Variants in SNTG1 observed in about 807,000 individuals in gnomAD.
SNTG1 encodes the protein syntrophin gamma 1, also known as gamma-1-syntrophin.
SNTG1 carries 39 observed loss-of-function variants against 74.7 expected under a neutral mutation model. The observed-to-expected ratio is 0.52, with a 90% CI of 0.40 to 0.68. The LOEUF is 0.68. Among genes scored for constraint, SNTG1 ranks in the 30% least tolerant of loss-of-function variants. The pLI is 0.00. For missense variants in SNTG1, 685 were observed against 609.5 expected (o/e 1.12, Z -1.30); for synonymous variants, 254 against 217.1 (o/e 1.17, Z -1.49).
intron 1 of SNTG1, among the ~76,000 whole-genome samples, chr8:49,957,791 C>A (rs1810310024): frequency 6.6e-6 from 1 of 152,054 alleles, no homozygotes; most frequent in Non-Finnish European, 1.5e-5. Flanking sequence ...TGGGGAGACC[C>A]TATCTCCACA....
intron 1 of SNTG1, among the ~76,000 whole-genome samples, chr8:50,102,957 C>T (rs930622293): frequency 6.0e-5 from 9 of 151,234 alleles, no homozygotes; most frequent in African/African-American, 2.2e-4. Context: ...GTTTTGGTTA[C>T]TGTAGCCTTG....
chr8:50,524,674 A>G (rs545896716), intron 9 of SNTG1, among the ~76,000 whole-genome samples: 2 of 128,440 alleles, frequency 1.6e-5, no homozygotes, highest in Non-Finnish European at 3.0e-5. Flanking sequence ...ACAGTACAGT[A>G]TAACAACTAC....
chr8:50,667,237 G>T (rs1334695066), intron 15 of SNTG1, among the ~76,000 whole-genome samples: 1 of 152,072 alleles, frequency 6.6e-6, no homozygotes, highest in African/African-American at 2.4e-5. Context: ...TTTTACGATA[G>T]AATTTTATAT....
intron 1 of SNTG1, among the ~76,000 whole-genome samples, chr8:50,129,191 T>A (rs541540970): frequency 8.5e-5 from 13 of 152,274 alleles, no homozygotes; most frequent in African/African-American, 3.1e-4. Flanking sequence ...ATGAATAAAT[T>A]ATATTAAAGG....
chr8:50,331,224 T>C (rs2090954284), intron 2 of SNTG1, among the ~76,000 whole-genome samples: 2 of 152,050 alleles, frequency 1.3e-5, no homozygotes, highest in African/African-American at 2.4e-5. Flanking sequence ...TGTGGTACGC[T>C]TGTTGTATTT....
chr8:50,026,602 A>C (rs1817283674), intron 1 of SNTG1, among the ~76,000 whole-genome samples: 1 of 152,156 alleles, frequency 6.6e-6, no homozygotes, highest in Admixed American at 6.6e-5. Context: ...GAAACCCAAA[A>C]CCAACCATAC....
At chr8:50,129,305 G>T (rs2081243415) in intron 1 of SNTG1, among the ~76,000 whole-genome samples, 1 of 152,090 alleles carries the variant, frequency 6.6e-6, no homozygotes, top group African/African-American at 2.4e-5. Flanking sequence ...GTGGTTGAGG[G>T]TTTTGTTTCA....
chr8:50,164,647 T>G (rs2082550151), intron 1 of SNTG1, among the ~76,000 whole-genome samples: 1 of 152,226 alleles, frequency 6.6e-6, no homozygotes, highest in Non-Finnish European at 1.5e-5. Context: ...TTTCTTTCCC[T>G]GCTACATTCA....
chr8:50,702,091 A>T (rs1002275951), intron 15 of SNTG1, among the ~76,000 whole-genome samples: 1 of 151,964 alleles, frequency 6.6e-6, no homozygotes, highest in Non-Finnish European at 1.5e-5. Context: ...ACCTCAAGTG[A>T]TCTGCCCACC....
chr8:50,519,050 C>T (rs2094157574), intron 9 of SNTG1, among the ~76,000 whole-genome samples: 2 of 152,106 alleles, frequency 1.3e-5, no homozygotes, highest in African/African-American at 4.8e-5. Context: ...ATGGGAAAAT[C>T]CTCCAAAAGC....
chr8:50,425,485 G>A (rs975684446), intron 4 of SNTG1, among the ~76,000 whole-genome samples: 1 of 152,102 alleles, frequency 6.6e-6, no homozygotes, highest in Admixed American at 6.6e-5. Flanking sequence ...CTAGTTGCAG[G>A]AAAACAAGCT....
At chr8:49,937,326 G>A (rs1427430182) in intron 1 of SNTG1, among the ~76,000 whole-genome samples, 1 of 152,188 alleles carries the variant, frequency 6.6e-6, no homozygotes, top group African/African-American at 2.4e-5. Flanking sequence ...AAGCAGGAAC[G>A]TCAGGAGAAA....
At chr8:50,247,620 C>T (rs1287906557) in intron 2 of SNTG1, among the ~76,000 whole-genome samples, 1 of 152,068 alleles carries the variant, frequency 6.6e-6, no homozygotes, top group Non-Finnish European at 1.5e-5. Flanking sequence ...GTCCTCCTGC[C>T]TCAGCCTCCT....
At chr8:50,252,668 G>A (rs990617080) in intron 2 of SNTG1, among the ~76,000 whole-genome samples, 62 of 152,138 alleles carry the variant, frequency 4.1e-4, no homozygotes, top group Admixed American at 1.2e-3. Context: ...ACAAGAGAGA[G>A]GGAGTGGGGA....
chr8:50,657,295 A>T (rs1170647335), intron 14 of SNTG1, among the ~76,000 whole-genome samples: 3 of 152,216 alleles, frequency 2.0e-5, no homozygotes, highest in East Asian at 3.9e-4. Flanking sequence ...TACAAATCTC[A>T]TGACGACATG....
In SNTG1 at chr8:50,394,277, G is replaced by GC; in HGVS notation, c.27+13dup. On this transcript the variant is annotated intron_variant, in intron 3 of 18. Coordinates refer to ENST00000642720, the MANE Select transcript of SNTG1 (RefSeq NM_018967.5). ...CCGCCTGTGAGGAGGTGAGTACAGA[G>GC]CTTTCTGCTTTTCAAACAGGGAAAA... The GC allele has an allele frequency of 6.2e-7, 1 of 1,610,858 alleles. No homozygotes were observed. Among genetic ancestry groups the GC allele is most frequent in the Non-Finnish European group, 8.5e-7 (1 of 1,178,202 alleles).
At chr8:50,142,819 C>A (rs1158352222) in intron 1 of SNTG1, among the ~76,000 whole-genome samples, 3 of 152,122 alleles carry the variant, frequency 2.0e-5, no homozygotes, top group African/African-American at 7.2e-5. Context: ...CACCTGTAAT[C>A]CCAACACTTT....
At position 50,313,390 on chromosome 8, in the gene SNTG1, G is replaced by A. The variant is rs911930424; in HGVS notation, c.-27-80822G>A. ...CAGGGCAGAAAGACAACCATAGATA[G>A]AGAAAAATATTTGCAAATTGTATGC... On this transcript the variant is annotated intron_variant, in intron 2 of 18. Transcript: ENST00000642720. 4.0e-5 allele frequency among the ~76,000 whole-genome samples: 6 copies of A among 149,614 alleles called. 1 individual carries two copies. The highest frequency in any genetic ancestry group is 1.3e-4 in the African/African-American group (5 of 39,996).
chr8:50,508,256 T>A (rs563849557), intron 9 of SNTG1, among the ~76,000 whole-genome samples: 7 of 152,334 alleles, frequency 4.6e-5, no homozygotes, highest in Admixed American at 1.3e-4. Flanking sequence ...GAACTCATCA[T>A]TTTTTATGGC....
Sources: gnomAD v4.1 joint callset for allele counts (sites outside exome capture counted in the v4.1 genomes callset) on GRCh38, gnomAD v4.1.1 for gene constraint, MANE v1.5 for transcripts, NCBI Gene and HGNC (gene_info 2026-07-23, HGNC 2026-07-21) for gene names.